The following MFSD8 variants were observed in gnomAD, a reference collection of about 807,000 sequenced individuals.
MFSD8 encodes the protein major facilitator superfamily domain containing 8.
A neutral mutation model predicts 66.4 loss-of-function variants in MFSD8; 55 were observed. That is an observed-to-expected ratio of 0.83 (90% CI 0.67 to 1.04). The LOEUF (loss-of-function observed/expected upper bound fraction) is 1.04, where lower values mean the gene tolerates loss of function less well. MFSD8 is among the 50% of genes least tolerant of loss of function. The probability of loss-of-function intolerance (pLI) is 0.00; values close to 1 mark genes in which losing one functional copy is unlikely to be tolerated. For synonymous variants in MFSD8, 202 were observed against 212.8 expected (o/e 0.95, Z 0.44); for missense variants, 550 against 627.6 (o/e 0.88, Z 1.32).
chr4:127,947,121 A>AGT (rs1453271366), intron 3 of MFSD8, among the ~76,000 whole-genome samples: 1 of 151,144 alleles, frequency 6.6e-6, no homozygotes, highest in Non-Finnish European at 1.5e-5. Context: ...GGCCAGGTGC[A>AGT]GTGGCTCACA....
intron 2 of MFSD8, among the ~76,000 whole-genome samples, chr4:127,956,068 G>A (rs549201833): frequency 1.3e-5 from 2 of 150,766 alleles, no homozygotes; most frequent in Non-Finnish European, 3.0e-5. Context: ...GCAGTAAGCC[G>A]AGATCACACC....
chr4:127,957,490 C>A lies in MFSD8; in HGVS notation c.154+11G>T, dbSNP rs373643838. On this transcript the variant is annotated intron_variant, in intron 2 of 11. Coordinates refer to ENST00000641686, the MANE Select transcript of MFSD8 (RefSeq NM_001371596.2). ...TCTGAATTGTTAAAATTATGTATTT[C>A]TAATACTTACCTACACTGCTGAGAA... 1.3e-6 allele frequency: 2 copies of A among 1,556,460 alleles called. No individual in the cohort carries two copies. Among genetic ancestry groups the A allele is most frequent in the Non-Finnish European group, 1.8e-6 (2 of 1,129,464 alleles).
Position 127,965,127 on chromosome 4 carries a change from C to G in MFSD8, c.7G>C (p.Gly3Arg), listed in dbSNP as rs773799172. ...TCCTGTTCACTTTCGTTCCGCAGGC[C>G]GGCCATAGTTACACTCCCTACAAGG... is the stretch of plus-strand genomic sequence containing the variant. MA[G>R]LRNESEQEPL... The change falls in exon 1 of 12, where the codon GGC becomes CGC. Residue 3 changes from glycine (G) to arginine (R), a missense_variant. By Grantham distance (125) the Gly-to-Arg change is moderately radical. Transcript: ENST00000641686. The G allele has an allele frequency of 6.2e-6, 10 of 1,613,862 alleles. No homozygotes were observed. Among genetic ancestry groups the G allele is most frequent in the Admixed American group, 1.7e-5 (1 of 59,996 alleles).
intron 9 of MFSD8, among the ~76,000 whole-genome samples, chr4:127,927,883 T>C (rs1056978687): frequency 6.6e-6 from 1 of 151,830 alleles, no homozygotes; most frequent in African/African-American, 2.4e-5. Flanking sequence ...TGTGAAGAAA[T>C]AGGGATCTCA....
At chr4:127,922,065 A>G in intron 9 of MFSD8, 102 bp from the exon 10 acceptor site, 1 of 1,077,822 alleles carries the variant, frequency 9.3e-7, no homozygotes, top group African/African-American at 1.6e-5. Flanking sequence ...TTGTACTTTT[A>G]GTGATATATC....
chr4:127,957,402 T>A (rs1431695240), intron 2 of MFSD8, 99 bp downstream of exon 2: 1 of 899,138 alleles, frequency 1.1e-6, no homozygotes, highest in Non-Finnish European at 1.8e-6. Context: ...TTTAGCACAA[T>A]AAAGATAATT....
At chr4:127,921,331 C>T (rs898232134) in intron 11 of MFSD8, 193 bp downstream of exon 11, 1 of 937,126 alleles carries the variant, frequency 1.1e-6, no homozygotes, top group African/African-American at 1.7e-5. Context: ...ACTTCTGTAT[C>T]CAAAACTATA....
intron 9 of MFSD8, among the ~76,000 whole-genome samples, chr4:127,923,641 G>A (rs1205569266): frequency 3.3e-5 from 5 of 149,864 alleles, no homozygotes; most frequent in East Asian, 2.0e-4. Context: ...ATGCAGTGGC[G>A]TGAACTTGGC....
In MFSD8 at chr4:127,921,963, C is replaced by G. The variant is rs1057520312; in HGVS notation, c.999G>C (p.Lys333Asn). ...CCAGTAGAATAGCACGCTCGCCAAT[C>G]CTGTTAAAGAACAGAAACTCTGTAA... The part of the protein sequence containing the change: ...IFLGVKLLSK[K>N]IGERAILLGG... Residue 333 changes from lysine to asparagine, a missense_variant and splice_region_variant, in exon 10 of 12, where the codon AAG becomes AAC. Lys to Asn is a moderately conservative substitution (Grantham distance 94, BLOSUM62 0). Transcript: ENST00000641686. 2.5e-6 allele frequency: 4 copies of G among 1,613,184 alleles called. No homozygotes were observed. The highest frequency in any genetic ancestry group is 3.4e-6 in the Non-Finnish European group (4 of 1,179,392).
intron 9 of MFSD8, among the ~76,000 whole-genome samples, chr4:127,928,516 A>G (rs540531096): frequency 6.6e-6 from 1 of 152,366 alleles, no homozygotes; most frequent in Non-Finnish European, 1.5e-5. Context: ...TAATCATCAG[A>G]GAAATGCAAG....
At chr4:127,965,254 A>G (rs1744884277), upstream of MFSD8, 1 of 1,294,936 alleles carries the variant, frequency 7.7e-7, no homozygotes, top group Admixed American at 2.0e-5. Context: ...TGACGGTCAG[A>G]CGTAGGCGGA....
intron 9 of MFSD8, among the ~76,000 whole-genome samples, chr4:127,922,718 G>T (rs1194518656): frequency 6.6e-6 from 1 of 151,982 alleles, no homozygotes; most frequent in Non-Finnish European, 1.5e-5. Context: ...GGAAACAAAA[G>T]AAAATAATCA....
chr4:127,926,384 T>C (rs975706246), intron 9 of MFSD8, among the ~76,000 whole-genome samples: 16 of 110,572 alleles, frequency 1.4e-4, no homozygotes, highest in Non-Finnish European at 2.9e-4. Flanking sequence ...TCCTCATATA[T>C]ACCTTCCTTG....
intron 9 of MFSD8, among the ~76,000 whole-genome samples, chr4:127,928,339 G>C (rs552452736): frequency 6.6e-6 from 1 of 152,028 alleles, no homozygotes; most frequent in African/African-American, 2.4e-5. Flanking sequence ...GACTGGTCTC[G>C]AACTGCTGAC....
chr4:127,921,997 T>C (rs759316818), intron 9 of MFSD8, 34 bp from the exon 10 acceptor site: 4 of 1,553,410 alleles, frequency 2.6e-6, no homozygotes, highest in South Asian at 1.1e-5. Flanking sequence ...AATTTTAAAA[T>C]GAAACATTAT....
rs916015076 is a variant in MFSD8, at chr4:127,928,497, C to T, written c.998+2186G>A. On this transcript the variant is annotated intron_variant, in intron 9 of 11. Coordinates refer to ENST00000641686, the MANE Select transcript of MFSD8 (RefSeq NM_001371596.2). ...GGCCACTAAGTAAATAAAAAATGTT[C>T]GACATCACTAATCATCAGAGAAATG... 6.6e-5 allele frequency among the ~76,000 whole-genome samples: 10 copies of T among 152,176 alleles called. No individual in the cohort carries two copies. In the South Asian group the frequency reaches 1.2e-3, roughly 19 times the overall value.
At chr4:127,958,606 A>C (rs1343373989) in intron 1 of MFSD8, among the ~76,000 whole-genome samples, 1 of 152,166 alleles carries the variant, frequency 6.6e-6, no homozygotes, top group Non-Finnish European at 1.5e-5. Flanking sequence ...CATATAAACA[A>C]ACCTCTTCTG....
chr4:127,963,865 T>C (rs1323439473), intron 1 of MFSD8, among the ~76,000 whole-genome samples: 2 of 152,164 alleles, frequency 1.3e-5, no homozygotes, highest in East Asian at 1.9e-4. Context: ...AGCCGAGTAG[T>C]CTGTTTTGAC....
At chr4:127,947,299 T>A (rs111958772) in intron 3 of MFSD8, among the ~76,000 whole-genome samples, 12,127 of 151,672 alleles carry the variant, frequency 0.08, 963 homozygotes, top group East Asian at 0.26. Flanking sequence ...CTGAGGCATG[T>A]GAATCGCTTG....
Sources: allele counts gnomAD v4.1 joint callset (sites outside exome capture counted in the v4.1 genomes callset), GRCh38; gene constraint gnomAD v4.1.1; transcripts MANE v1.5; gene names NCBI Gene and HGNC (gene_info 2026-07-23, HGNC 2026-07-21).